PTPN20: variants seen among roughly 807,000 people sequenced by gnomAD.
The protein encoded by PTPN20 is protein tyrosine phosphatase non-receptor type 20.
In PTPN20, 9 loss-of-function variants were observed where a neutral mutation model predicts 35.0. That is an observed-to-expected ratio of 0.26 (90% confidence interval 0.15 to 0.45). PTPN20 has a LOEUF of 0.45. Ranked by LOEUF, PTPN20 falls within the 20% of genes least tolerant of loss-of-function variation. The pLI, the probability that PTPN20 is intolerant of heterozygous loss-of-function variation, is 1.00. For synonymous variants in PTPN20, 32 were observed against 100.2 expected, an observed-to-expected ratio of 0.32 and a Z score of 4.06; for missense variants, 111 against 312.5, an observed-to-expected ratio of 0.36 and a Z score of 4.86.
chr10:46,924,068 A>G (rs1434239522), intron 1 of PTPN20, among the ~76,000 whole-genome samples: 23 of 151,042 alleles, frequency 1.5e-4, no homozygotes, highest in Non-Finnish European at 2.8e-4. Context: ...GTAATTGCTT[A>G]TTAAGTTCCA....
chr10:46,997,176 A>T (rs1260309937), intron 9 of PTPN20, among the ~76,000 whole-genome samples: 1 of 151,988 alleles, frequency 6.6e-6, no homozygotes, highest in Non-Finnish European at 1.5e-5. Flanking sequence ...CAGTGTATAG[A>T]TCTTGTATAT....
At chr10:47,000,581 C>A in intron 10 of PTPN20, 95 bp from the exon 11 acceptor site, 1 of 1,459,938 alleles carries the variant, frequency 6.8e-7, no homozygotes, top group Non-Finnish European at 9.5e-7. Flanking sequence ...TAGGAACTTT[C>A]CAGTGTGGCT....
intron 1 of PTPN20, among the ~76,000 whole-genome samples, chr10:46,919,339 A>G (rs2034328818): frequency 6.7e-6 from 1 of 148,862 alleles, no homozygotes; most frequent in South Asian, 2.1e-4. Context: ...CGCTTGCCTT[A>G]CCTGTTCTTT....
At chr10:46,978,945 A>C (rs1229253220) in intron 7 of PTPN20, among the ~76,000 whole-genome samples, 4 of 151,104 alleles carry the variant, frequency 2.6e-5, no homozygotes, top group African/African-American at 9.7e-5. Flanking sequence ...AGGTGTAAGC[A>C]GAAGAGTTCT....
chr10:46,983,111 C>G (rs1589840845), intron 7 of PTPN20, among the ~76,000 whole-genome samples: 1 of 129,172 alleles, frequency 7.7e-6, no homozygotes, highest in Non-Finnish European at 1.6e-5. Context: ...CTCACTCATT[C>G]TGTCACCCAG....
At chr10:46,911,535 G>A in intron 1 of PTPN20, 34 bp downstream of exon 1, 1 of 213,142 alleles carries the variant, frequency 4.7e-6, no homozygotes, top group Non-Finnish European at 9.1e-6. Context: ...AGGTGGGCAG[G>A]GGGCGTGCGG....
intron 2 of PTPN20, among the ~76,000 whole-genome samples, chr10:46,933,521 G>T (rs2040450843): frequency 7.0e-6 from 1 of 143,744 alleles, no homozygotes; most frequent in African/African-American, 2.7e-5. Flanking sequence ...TGTGAGCCTG[G>T]ATTCCATCTG....
rs1227658535 is a variant in PTPN20, at chr10:46,923,199, A to G, written c.-123-9178A>G. On this transcript the variant is annotated intron_variant, in intron 1 of 10. Transcript: ENST00000374339. ...CTGGCAACCACCAAAAGACAGGAAG[A>G]GACAAGGAAGTATACTCCCCTAGAG... Among the ~76,000 whole-genome samples, 11 of 143,680 alleles carry G rather than the reference A, an allele frequency of 7.7e-5. 2 individuals carry two copies. Among genetic ancestry groups the G allele is most frequent in the Non-Finnish European group, 1.6e-4 (11 of 67,314 alleles). The allele number at this position is 143,680 out of a possible 152,430, so 94.3% of individuals were successfully genotyped here.
At chr10:46,918,753 A>C (rs1256425909) in intron 1 of PTPN20, among the ~76,000 whole-genome samples, 1 of 134,916 alleles carries the variant, frequency 7.4e-6, no homozygotes, top group Non-Finnish European at 1.5e-5. Context: ...TTTCAGTTTA[A>C]TGTTTTATGG....
intron 9 of PTPN20, among the ~76,000 whole-genome samples, chr10:46,999,229 G>A (rs1239480407): frequency 6.6e-6 from 1 of 152,114 alleles, no homozygotes; most frequent in Non-Finnish European, 1.5e-5. Flanking sequence ...ACATTTACAT[G>A]TGTCCACAAT....
chr10:46,983,584 G>T lies in PTPN20; in HGVS notation c.584-646G>T, dbSNP rs1199206569. Among the ~76,000 whole-genome samples, 5 of 120,532 alleles carry T rather than the reference G, an allele frequency of 4.1e-5. No homozygotes were observed. In the East Asian group the frequency reaches 7.7e-4, roughly 19 times the overall value. 79.1% of individuals were successfully genotyped at this position (120,532 alleles called of 152,430 possible). On this transcript the variant is annotated intron_variant, in intron 7 of 10. Coordinates refer to ENST00000374339, the MANE Select transcript of PTPN20 (RefSeq NM_001042357.5). ...TTTCCCTCTCATATTTGTTATAACA[G>T]TCCATGTTAGATGAGTCCCATATTA... is the stretch of plus-strand genomic sequence containing the variant.
intron 7 of PTPN20, among the ~76,000 whole-genome samples, chr10:46,982,898 A>G (rs2055879498): frequency 6.6e-6 from 1 of 152,138 alleles, no homozygotes; most frequent in African/African-American, 2.4e-5. Flanking sequence ...GTTAGTAAAC[A>G]TAGGTATAAA....
At chr10:46,946,930 A>G (rs1347695405) in intron 5 of PTPN20, 40 of 416,216 alleles carry the variant, frequency 9.6e-5, no homozygotes, top group African/African-American at 7.7e-4. Flanking sequence ...AGTAAAATCC[A>G]TTTTTTTAAA....
chr10:47,003,070 CTA>C (rs1317173095), downstream of PTPN20, among the ~76,000 whole-genome samples: 2 of 151,936 alleles, frequency 1.3e-5, no homozygotes, highest in Admixed American at 1.3e-4. Context: ...CAGAAGGTCT[CTA>C]TTAAGTAAAA....
chr10:46,953,335 T>TTTTCTTTCCTTC (rs2047297845), intron 5 of PTPN20, among the ~76,000 whole-genome samples: 2 of 113,408 alleles, frequency 1.8e-5, no homozygotes, highest in Non-Finnish European at 3.4e-5. Context: ...CTTTCATTTC[T>TTTTCTTTCCTTC]TTTCTTTCTT....
intron 5 of PTPN20, among the ~76,000 whole-genome samples, chr10:46,952,480 G>GAT (rs1214308476): frequency 2.3e-3 from 331 of 142,410 alleles, no homozygotes; most frequent in Middle Eastern, 3.7e-3. Context: ...ACAAAAATAT[G>GAT]ATATATATAT....
chr10:46,929,224 TA>T (rs1285217213), intron 1 of PTPN20, among the ~76,000 whole-genome samples: 1 of 113,734 alleles, frequency 8.8e-6, no homozygotes, highest in Non-Finnish European at 1.7e-5. Flanking sequence ...CAAACACTTG[TA>T]GTTTTTCTTT....
chr10:46,920,461 C>T (rs2034714714), intron 1 of PTPN20, among the ~76,000 whole-genome samples: 1 of 149,684 alleles, frequency 6.7e-6, no homozygotes, highest in Non-Finnish European at 1.5e-5. Context: ...CCATTACTCC[C>T]CAGACTCAGG....
At chr10:46,930,450 GT>G (rs1266365657) in intron 1 of PTPN20, among the ~76,000 whole-genome samples, 2 of 151,132 alleles carry the variant, frequency 1.3e-5, no homozygotes, top group Admixed American at 1.3e-4. Context: ...CAATAACATA[GT>G]TGGTAGGCAG....
Sources: gnomAD v4.1 joint callset for allele counts (sites outside exome capture counted in the v4.1 genomes callset) on GRCh38, gnomAD v4.1.1 for gene constraint, MANE v1.5 for transcripts, NCBI Gene and HGNC (gene_info 2026-07-23, HGNC 2026-07-21) for gene names.